The following NFAM1 variants were observed in gnomAD, a reference collection of about 807,000 sequenced individuals.
NFAM1 encodes NFAT activation molecule 1.
NFAM1 carries 17 observed loss-of-function variants against 29.0 expected under a neutral mutation model. The ratio of observed to expected loss-of-function variants is 0.59; its 90% CI spans 0.40 to 0.88. The LOEUF is 0.88. NFAM1 is among the 40% of genes least tolerant of loss of function. NFAM1 has a pLI of 0.00. For missense variants in NFAM1, 324 were observed against 344.6 expected, an observed-to-expected ratio of 0.94 and a Z score of 0.47; for synonymous variants, 175 against 147.2, an observed-to-expected ratio of 1.19 and a Z score of -1.36.
In NFAM1 at chr22:42,409,162, C is replaced by T. The variant is rs542242964; in HGVS notation, c.564+273G>A. On this transcript the variant is annotated intron_variant, in intron 3 of 5. Coordinates refer to ENST00000329021, the MANE Select transcript of NFAM1 (RefSeq NM_145912.8). This position sits in a 1 kb window ranked among gnomAD's most constrained non-coding sequence, Gnocchi z 4.9. ...TAGAAATGGTAGGCAGGAGGGCCTGCAGCCTCTCCCAGGTTCTCAGAGGGA... is the reference window on the plus strand; with the variant it reads ...TAGAAATGGTAGGCAGGAGGGCCTGTAGCCTCTCCCAGGTTCTCAGAGGGA... Among the ~76,000 whole-genome samples the T allele has an allele frequency of 1.1e-4, 16 of 152,324 alleles. No individual in the cohort carries two copies. The highest frequency in any genetic ancestry group is 3.6e-4 in the African/African-American group (15 of 41,566).
intron 1 of NFAM1, among the ~76,000 whole-genome samples, chr22:42,425,680 T>C (rs1930599274): frequency 1.3e-5 from 2 of 152,204 alleles, no homozygotes; most frequent in South Asian, 2.1e-4. Flanking sequence ...ACCATGACCC[T>C]GCAGACCCTC....
upstream of NFAM1, among the ~76,000 whole-genome samples, chr22:42,435,947 G>A (rs1930929934): frequency 6.6e-6 from 1 of 151,344 alleles, no homozygotes; most frequent in South Asian, 2.1e-4. Context: ...AGCCTTCCGA[G>A]TAGTTGGGAT....
At position 42,411,500 on chromosome 22, in the gene NFAM1, G is replaced by A; in HGVS notation, c.358C>T (p.Leu120=). Residue 120 remains leucine (L), a synonymous_variant, in exon 2 of 6, where the codon CTG becomes TTG. Coordinates refer to ENST00000329021, the MANE Select transcript of NFAM1 (RefSeq NM_145912.8). ...HTLDCQVTLV[L]PGASATGTYY... ...GTGCCAGTGGCCGATGCTCCCGGCA[G>A]CACAAGGGTGACCTGGCAGTCCAGG... 5 of 1,614,204 alleles carry A rather than the reference G, an allele frequency of 3.1e-6. No homozygotes were observed. The highest frequency in any genetic ancestry group is 4.2e-6 in the Non-Finnish European group (5 of 1,180,014).
At chr22:42,390,414 G>C (rs554962246) in intron 4 of NFAM1, among the ~76,000 whole-genome samples, 26 of 152,268 alleles carry the variant, frequency 1.7e-4, no homozygotes, top group African/African-American at 6.3e-4. Context: ...CTCAAAGAAG[G>C]AAGATAGGGA....
At chr22:42,434,799 C>T (rs1930902019), upstream of NFAM1, among the ~76,000 whole-genome samples, 1 of 152,190 alleles carries the variant, frequency 6.6e-6, no homozygotes. Context: ...GCACAGCCTT[C>T]GAGCTAGGCC....
intron 1 of NFAM1, among the ~76,000 whole-genome samples, chr22:42,417,338 C>G (rs908134994): frequency 1.3e-5 from 2 of 152,148 alleles, no homozygotes; most frequent in Non-Finnish European, 2.9e-5. Context: ...GAGAAATCCC[C>G]CAGCACCAAG....
chr22:42,408,147 G>A (rs923014224), intron 3 of NFAM1, among the ~76,000 whole-genome samples: 14 of 152,064 alleles, frequency 9.2e-5, no homozygotes, highest in Non-Finnish European at 1.8e-4. Flanking sequence ...ACCCACCTCG[G>A]CCTCCCAAAG....
chr22:42,434,100 C>CA (rs1930883263), upstream of NFAM1, among the ~76,000 whole-genome samples: 1 of 152,158 alleles, frequency 6.6e-6, no homozygotes, highest in African/African-American at 2.4e-5. Flanking sequence ...CGGTGCCCCC[C>CA]ACACCCCAAC....
At chr22:42,396,154 G>C (rs4822126) in intron 4 of NFAM1, among the ~76,000 whole-genome samples, 70,598 of 151,924 alleles carry the variant, frequency 0.46, 18,617 homozygotes, top group African/African-American at 0.72. Flanking sequence ...CTCCAAGCTG[G>C]CCTGCAACTC....
At chr22:42,434,571 G>A (rs758760322), upstream of NFAM1, among the ~76,000 whole-genome samples, 2 of 152,176 alleles carry the variant, frequency 1.3e-5, no homozygotes, top group African/African-American at 2.4e-5. Context: ...TCGGGGCCTC[G>A]TGTCTGGCCC....
At chr22:42,427,152 C>T (rs1327515451) in intron 1 of NFAM1, among the ~76,000 whole-genome samples, 1 of 152,134 alleles carries the variant, frequency 6.6e-6, no homozygotes, top group African/African-American at 2.4e-5. Context: ...TCTCTGGTTT[C>T]AGCCCCATCT....
intron 1 of NFAM1, among the ~76,000 whole-genome samples, chr22:42,413,321 C>T (rs1259705390): frequency 6.6e-6 from 1 of 152,216 alleles, no homozygotes; most frequent in Admixed American, 6.5e-5. Flanking sequence ...TCCCAGGTCT[C>T]TTCAGTTCAG....
intron 4 of NFAM1, among the ~76,000 whole-genome samples, chr22:42,397,466 C>G (rs1929568711): frequency 6.6e-6 from 1 of 152,154 alleles, no homozygotes; most frequent in South Asian, 2.1e-4. Context: ...TGACCTCTTC[C>G]TCTTTTTGTG....
chr22:42,424,408 C>T (rs1930554059), intron 1 of NFAM1, among the ~76,000 whole-genome samples: 1 of 145,476 alleles, frequency 6.9e-6, no homozygotes, highest in South Asian at 2.4e-4. Flanking sequence ...GAGCGAGACT[C>T]CGTCTCAAAA....
At position 42,381,918 on chromosome 22, in the gene NFAM1, G is replaced by T; in HGVS notation, c.*3243C>A. ...CTGGGCCCAGCTCCCAGGGAGGCCT[G>T]CCTCTCACTTAGACTCCTCTGTACT... is the stretch of plus-strand genomic sequence containing the variant. On this transcript the variant is annotated 3_prime_UTR_variant, in exon 6 of 6. Transcript: ENST00000329021. 6.6e-6 allele frequency: 1 copy of T among 152,412 alleles called. No individual in the cohort carries two copies. Among genetic ancestry groups the T allele is most frequent in the South Asian group, 2.1e-4 (1 of 4,838 alleles). The allele number at this position is 152,412 out of a possible 1,614,324, so 9.4% of individuals were successfully genotyped here.
rs771444740 is a variant in NFAM1 at position 42,387,018 on chromosome 22, G to C, written c.724C>G (p.Pro242Ala). The change falls in exon 5 of 6, where the codon CCC (proline) becomes GCC (alanine). Residue 242 changes from proline to alanine, a missense_variant. Transcript: ENST00000329021. ...ACIENEDGSS[P>A]TAKQSPLSQE... Reference sequence around the variant, plus strand: ...GAGAGGGGGCTCTGCTTGGCGGTGGGTGAGCTGCCATCCTCATTCTCGATG... The same window carrying C: ...GAGAGGGGGCTCTGCTTGGCGGTGGCTGAGCTGCCATCCTCATTCTCGATG... 2.5e-6 allele frequency: 4 copies of C among 1,581,304 alleles called. No homozygotes were observed. The highest frequency in any genetic ancestry group is 3.4e-6 in the Non-Finnish European group (4 of 1,164,098).
At position 42,409,286 on chromosome 22, in the gene NFAM1, A is replaced by T. The variant is rs1930001035; in HGVS notation, c.564+149T>A. ...GGAGTGGCACAGGAGGGATGCCCCC[A>T]GCCCTGGTGCAAGGGGCCACGAGGG... On this transcript the variant is annotated intron_variant, in intron 3 of 5. Transcript: ENST00000329021. This position sits in a 1 kb window ranked among gnomAD's most constrained non-coding sequence, Gnocchi z 4.9. 2.2e-6 allele frequency: 1 copy of T among 451,340 alleles called. No homozygotes were observed. Among genetic ancestry groups the T allele is most frequent in the East Asian group, 3.3e-5 (1 of 29,962 alleles). 28.0% of individuals were successfully genotyped at this position (451,340 alleles called of 1,614,324 possible). A position where few individuals can be genotyped will look rare whatever the true frequency, so the allele number is the denominator to read the frequency against.
intron 1 of NFAM1, among the ~76,000 whole-genome samples, chr22:42,413,475 C>T (rs1424834586): frequency 9.2e-5 from 14 of 152,096 alleles, no homozygotes; most frequent in African/African-American, 3.4e-4. Flanking sequence ...CCTGTTGAGC[C>T]ACTAAAGAGA....
chr22:42,404,922 C>T (rs1455362718), intron 3 of NFAM1, among the ~76,000 whole-genome samples: 8 of 152,002 alleles, frequency 5.3e-5, no homozygotes, highest in Admixed American at 5.2e-4. Flanking sequence ...CCTCCTTATC[C>T]CATTTCCAGA....
Sources: allele counts gnomAD v4.1 joint callset (sites outside exome capture counted in the v4.1 genomes callset), GRCh38; gene constraint gnomAD v4.1.1; non-coding constraint Gnocchi (gnomAD v3.1); transcripts MANE v1.5; gene names NCBI Gene and HGNC (gene_info 2026-07-23, HGNC 2026-07-21).